Variants in VBP1 observed in about 807,000 individuals in gnomAD.
The protein encoded by VBP1 is prefoldin subunit 3.
Under a neutral mutation model 15.5 loss-of-function variants are expected in VBP1, and 4 were observed. The ratio of observed to expected loss-of-function variants is 0.26; its 90% CI spans 0.13 to 0.59. The LOEUF (loss-of-function observed/expected upper bound fraction) is 0.59. Among genes scored for constraint, VBP1 ranks in the 20% least tolerant of loss-of-function variants. The pLI, the probability that VBP1 is intolerant of heterozygous loss-of-function variation, is 0.90. For synonymous variants in VBP1, 61 were observed against 52.1 expected, an observed-to-expected ratio of 1.17 and a Z score of -0.74; for missense variants, 108 against 139.6, an observed-to-expected ratio of 0.77 and a Z score of 1.14.
chrX:155,205,431 A>G lies in VBP1; in HGVS notation c.-30-3443A>G, dbSNP rs782501689. Among the ~76,000 whole-genome samples the G allele has an allele frequency of 8.0e-5, 9 of 112,115 alleles. No homozygotes were observed. In the South Asian group the frequency reaches 3.3e-3, roughly 42 times the overall value. Reference sequence around the variant, plus strand: ...GACATCTCCATCCTTCCAGTTGCTCAGGCCAAAAGCCTTGCAGTCCTCCTT... The same window carrying G: ...GACATCTCCATCCTTCCAGTTGCTCGGGCCAAAAGCCTTGCAGTCCTCCTT... On this transcript the variant is annotated intron_variant, in intron 1 of 6. Coordinates refer to the VBP1 transcript ENST00000535916.
intron 1 of VBP1, among the ~76,000 whole-genome samples, chrX:155,217,464 A>C (rs782435272): frequency 8.9e-6 from 1 of 112,819 alleles, no homozygotes; most frequent in African/African-American, 3.2e-5. Flanking sequence ...CTACTATAAA[A>C]TCTTCATGGA....
intron 1 of VBP1, among the ~76,000 whole-genome samples, chrX:155,203,532 T>G (rs1282738175): frequency 9.8e-6 from 1 of 102,105 alleles, no homozygotes; most frequent in Non-Finnish European, 2.0e-5. Context: ...ACACCGCATG[T>G]TCTCACTCAT....
At chrX:155,201,633 A>G (rs1227489521) in intron 1 of VBP1, among the ~76,000 whole-genome samples, 1 of 89,975 alleles carries the variant, frequency 1.1e-5, no homozygotes, top group Non-Finnish European at 2.1e-5. Context: ...GCTATCTATG[A>G]CAAACCCACA....
chrX:155,211,482 C>T (rs782794520), upstream of VBP1, among the ~76,000 whole-genome samples: 1 of 111,967 alleles, frequency 8.9e-6, no homozygotes, highest in East Asian at 2.8e-4. Context: ...AAGTCCATAC[C>T]CTTAAGTATT....
intron 3 of VBP1, among the ~76,000 whole-genome samples, chrX:155,227,638 T>C (rs1048361017): frequency 6.2e-5 from 7 of 112,590 alleles, no homozygotes; most frequent in Non-Finnish European, 9.4e-5. Flanking sequence ...TGTTGTTGTC[T>C]TTCTCCCTAA....
intron 1 of VBP1, chrX:155,197,214 C>T (rs984990056): frequency 9.0e-6 from 1 of 111,585 alleles, no homozygotes; most frequent in African/African-American, 3.2e-5. Context: ...ACAGAAAAGT[C>T]ACAACTCTTT....
intron 4 of VBP1, among the ~76,000 whole-genome samples, chrX:155,234,828 G>A (rs1022299619): frequency 2.7e-5 from 3 of 112,255 alleles, no homozygotes; most frequent in African/African-American, 9.7e-5. Context: ...GTTATCTCAT[G>A]TTGCTGACAA....
At chrX:155,233,418 T>C (rs2074756354) in intron 4 of VBP1, among the ~76,000 whole-genome samples, 1 of 112,020 alleles carries the variant, frequency 8.9e-6, no homozygotes, top group Non-Finnish European at 1.9e-5. Flanking sequence ...TCTTACACTT[T>C]AGATCTTTCA....
At chrX:155,216,357 GA>G (rs782456988), upstream of VBP1, 246 of 1,110,721 alleles carry the variant, frequency 2.2e-4, no homozygotes, top group Non-Finnish European at 2.8e-4. Context: ...ACTTGTGGGG[GA>G]CGCTCCCTGC....
At chrX:155,212,822 C>T (rs1220456068), upstream of VBP1, 1 of 111,731 alleles carries the variant, frequency 9.0e-6, no homozygotes, top group Non-Finnish European at 1.9e-5. Flanking sequence ...GTTCCCTGAA[C>T]AAAGGACCTC....
upstream of VBP1, among the ~76,000 whole-genome samples, chrX:155,212,074 A>G (rs2074646962): frequency 8.9e-6 from 1 of 112,334 alleles, no homozygotes; most frequent in Non-Finnish European, 1.9e-5. Flanking sequence ...AAACTGAGAC[A>G]GTGTTAAAGT....
intron 1 of VBP1, among the ~76,000 whole-genome samples, chrX:155,204,384 CTCAGGTGA>C (rs1304207461): frequency 1.8e-5 from 2 of 111,298 alleles, no homozygotes; most frequent in African/African-American, 6.6e-5. Flanking sequence ...AACTCCTGAC[CTCAGGTGA>C]TCCGCCCGCC....
upstream of VBP1, among the ~76,000 whole-genome samples, chrX:155,215,820 G>A (rs1266357141): frequency 1.8e-5 from 2 of 112,044 alleles, no homozygotes; most frequent in East Asian, 5.6e-4. Flanking sequence ...GGGCCTAGAA[G>A]CCTAGGTGGA....
chrX:155,226,467 C>T (rs782020381), intron 2 of VBP1, among the ~76,000 whole-genome samples: 34 of 111,499 alleles, frequency 3.0e-4, no homozygotes, highest in Non-Finnish European at 4.7e-4. Context: ...ATTTTAAGAA[C>T]GATCGTTACC....
At chrX:155,213,922 G>A (rs1258337208), upstream of VBP1, among the ~76,000 whole-genome samples, 1 of 111,974 alleles carries the variant, frequency 8.9e-6, no homozygotes, top group Non-Finnish European at 1.9e-5. Flanking sequence ...CTCCCAACTC[G>A]ACATGGATTG....
At chrX:155,222,371 A>G (rs955906470) in intron 2 of VBP1, among the ~76,000 whole-genome samples, 1 of 111,354 alleles carries the variant, frequency 9.0e-6, no homozygotes, top group Non-Finnish European at 1.9e-5. Context: ...GCTACTAGGG[A>G]AGCTGAGGTG....
intron 1 of VBP1, among the ~76,000 whole-genome samples, chrX:155,199,026 G>T (rs1245368697): frequency 1.8e-5 from 2 of 111,224 alleles, no homozygotes; most frequent in African/African-American, 6.5e-5. Context: ...AAGATGAAAT[G>T]AATGAATGAA....
intron 4 of VBP1, among the ~76,000 whole-genome samples, chrX:155,235,676 G>T (rs1230141750): frequency 8.9e-6 from 1 of 112,321 alleles, no homozygotes; most frequent in Non-Finnish European, 1.9e-5. Context: ...GTCAAATATA[G>T]ATGATAATAA....
At chrX:155,230,639 G>T (rs1246096059) in intron 4 of VBP1, among the ~76,000 whole-genome samples, 1 of 110,437 alleles carries the variant, frequency 9.1e-6, no homozygotes, top group African/African-American at 3.3e-5. Context: ...AGTTCTTTGA[G>T]TGGCTGACAA....
Sources: allele counts gnomAD v4.1 joint callset (sites outside exome capture counted in the v4.1 genomes callset), GRCh38; gene constraint gnomAD v4.1.1; transcripts MANE v1.5; gene names NCBI Gene and HGNC (gene_info 2026-07-23, HGNC 2026-07-21).